The following STXBP5L variants were observed in gnomAD, a reference collection of about 807,000 sequenced individuals.
STXBP5L encodes syntaxin-binding protein 5-like.
Under a neutral mutation model 144.5 loss-of-function variants are expected in STXBP5L, and 65 were observed. That is an observed-to-expected ratio of 0.45 (90% CI 0.37 to 0.55). The LOEUF is 0.55. Ranked by LOEUF, STXBP5L falls within the 20% of genes least tolerant of loss-of-function variation. The pLI, the probability that STXBP5L is intolerant of heterozygous loss-of-function variation, is 0.00. For missense variants in STXBP5L, 1,298 were observed against 1,405.5 expected, an observed-to-expected ratio of 0.92 and a Z score of 1.22; for synonymous variants, 505 against 469.6, an observed-to-expected ratio of 1.08 and a Z score of -0.97.
intron 5 of STXBP5L, among the ~76,000 whole-genome samples, chr3:121,092,518 A>T (rs976215085): frequency 1.3e-5 from 2 of 152,032 alleles, no homozygotes; most frequent in African/African-American, 4.8e-5. Flanking sequence ...TAGGTATTTT[A>T]TTCTCTTTGA....
intron 23 of STXBP5L, among the ~76,000 whole-genome samples, chr3:121,412,443 AC>A (rs1429615264): frequency 6.6e-6 from 1 of 152,120 alleles, no homozygotes. Flanking sequence ...ACTCTTTGTA[AC>A]CCAGCCACCA....
intron 2 of STXBP5L, among the ~76,000 whole-genome samples, chr3:120,927,097 G>A (rs1709678757): frequency 6.6e-6 from 1 of 151,792 alleles, no homozygotes; most frequent in African/African-American, 2.4e-5. Context: ...CACCACAACT[G>A]GCAAATTTTT....
chr3:121,040,349 C>T (rs1182564370), intron 3 of STXBP5L, among the ~76,000 whole-genome samples: 1 of 152,050 alleles, frequency 6.6e-6, no homozygotes, highest in Non-Finnish European at 1.5e-5. Context: ...TTTCCTCATA[C>T]TGAGGTAATA....
intron 19 of STXBP5L, among the ~76,000 whole-genome samples, chr3:121,303,192 AC>A (rs1221704253): frequency 6.6e-6 from 1 of 152,234 alleles, no homozygotes; most frequent in Non-Finnish European, 1.5e-5. Context: ...CAAGAAAAAA[AC>A]AACCCCATCA....
chr3:121,083,574 A>C (rs1398340761), intron 5 of STXBP5L, among the ~76,000 whole-genome samples: 3 of 152,014 alleles, frequency 2.0e-5, no homozygotes, highest in Non-Finnish European at 2.9e-5. Context: ...GAGGCAGGAG[A>C]ATTGCTTGAA....
chr3:120,967,201 G>A (rs1351379927), intron 3 of STXBP5L, among the ~76,000 whole-genome samples: 1 of 152,114 alleles, frequency 6.6e-6, no homozygotes, highest in African/African-American at 2.4e-5. Flanking sequence ...CATGTAGTCT[G>A]TCACCGCTTC....
chr3:121,161,857 C>T (rs757630726), intron 9 of STXBP5L, among the ~76,000 whole-genome samples: 4 of 151,960 alleles, frequency 2.6e-5, no homozygotes, highest in South Asian at 2.1e-4. Flanking sequence ...ACAGGGGTGT[C>T]CACAATTACC....
intron 5 of STXBP5L, among the ~76,000 whole-genome samples, chr3:121,052,332 T>C (rs918918884): frequency 2.0e-5 from 3 of 152,110 alleles, no homozygotes; most frequent in African/African-American, 7.2e-5. Flanking sequence ...TGAACATCGA[T>C]GCAAAAATCC....
At chr3:121,416,873 T>C (rs2047252131) in intron 25 of STXBP5L, among the ~76,000 whole-genome samples, 1 of 152,140 alleles carries the variant, frequency 6.6e-6, no homozygotes, top group Non-Finnish European at 1.5e-5. Flanking sequence ...ATGAATATAT[T>C]TTCCAGAATA....
rs559911758 is a variant in STXBP5L at position 120,930,904 on chromosome 3, T to C, written c.189+21137T>C. 4.6e-5 allele frequency among the ~76,000 whole-genome samples: 7 copies of C among 152,286 alleles called. No homozygotes were observed. In the East Asian group the frequency reaches 1.2e-3, roughly 25 times the overall value. On this transcript the variant is annotated intron_variant, in intron 2 of 26. Transcript: ENST00000471454. ...AAGTTTTGAAATGTACTAGGATTTA[T>C]AACTGGGATAACTATGTTTTTCTAT...
intron 9 of STXBP5L, among the ~76,000 whole-genome samples, chr3:121,176,809 TAAAA>T (rs1202459303): frequency 6.6e-6 from 1 of 151,240 alleles, no homozygotes; most frequent in Non-Finnish European, 1.5e-5. Flanking sequence ...GGAGTTTTTT[TAAAA>T]AAAAGCAGAG....
intron 5 of STXBP5L, among the ~76,000 whole-genome samples, chr3:121,112,870 AATC>A (rs2044056814): frequency 6.6e-6 from 1 of 152,176 alleles, no homozygotes; most frequent in African/African-American, 2.4e-5. Flanking sequence ...GGTATTGACT[AATC>A]ATATATTAGA....
intron 20 of STXBP5L, among the ~76,000 whole-genome samples, chr3:121,361,693 C>G (rs1363466995): frequency 6.6e-6 from 1 of 151,820 alleles, no homozygotes; most frequent in Admixed American, 6.6e-5. Flanking sequence ...AATTCCTTCC[C>G]TATGTTATCT....
chr3:121,270,019 TTTAA>T (rs2108416056), intron 18 of STXBP5L, among the ~76,000 whole-genome samples: 1 of 152,318 alleles, frequency 6.6e-6, no homozygotes, highest in East Asian at 1.9e-4. Context: ...CACGTTTCAG[TTTAA>T]GAATTTTTTG....
intron 5 of STXBP5L, among the ~76,000 whole-genome samples, chr3:121,096,011 G>A (rs555707082): frequency 7.2e-5 from 11 of 152,084 alleles, no homozygotes; most frequent in African/African-American, 2.6e-4. Context: ...CGCTTCTCTG[G>A]GCTAGGAAGT....
chr3:121,245,797 A>G (rs2108350084), intron 14 of STXBP5L, among the ~76,000 whole-genome samples: 1 of 152,336 alleles, frequency 6.6e-6, no homozygotes, highest in Non-Finnish European at 1.5e-5. Context: ...TGAAGCAAAC[A>G]TTGACAAAAT....
At chr3:121,418,602 T>G in intron 26 of STXBP5L, 45 bp downstream of exon 26, 1 of 1,574,002 alleles carries the variant, frequency 6.4e-7, no homozygotes, top group South Asian at 1.1e-5. Flanking sequence ...CAGGAGTAAC[T>G]TTAAACATTT....
intron 9 of STXBP5L, among the ~76,000 whole-genome samples, chr3:121,204,554 C>T (rs539181454): frequency 6.6e-6 from 1 of 152,078 alleles, no homozygotes; most frequent in East Asian, 1.9e-4. Flanking sequence ...TTATGTTATT[C>T]TGAAGCTAAT....
At chr3:121,348,292 T>C (rs1391901512) in intron 20 of STXBP5L, among the ~76,000 whole-genome samples, 10 of 152,302 alleles carry the variant, frequency 6.6e-5, no homozygotes, top group African/African-American at 2.4e-4. Flanking sequence ...CAGCCTTGCG[T>C]CCCAGGGATG....
Sources: gnomAD v4.1 joint callset for allele counts (sites outside exome capture counted in the v4.1 genomes callset) on GRCh38, gnomAD v4.1.1 for gene constraint, MANE v1.5 for transcripts, NCBI Gene and HGNC (gene_info 2026-07-23, HGNC 2026-07-21) for gene names.